Variants in HDAC9 observed in about 807,000 individuals in gnomAD.
The protein encoded by HDAC9 is MEF-2 interacting transcription repressor (MITR) protein.
HDAC9 carries 41 observed loss-of-function variants against 139.4 expected under a neutral mutation model. The observed-to-expected ratio is 0.29, with a 90% CI of 0.23 to 0.38. The LOEUF (loss-of-function observed/expected upper bound fraction) is 0.38. Ranked by LOEUF, HDAC9 falls within the 10% of genes least tolerant of loss-of-function variation. The probability of loss-of-function intolerance (pLI) is 1.00; values close to 1 mark genes in which losing one functional copy is unlikely to be tolerated. For synonymous variants in HDAC9, 517 were observed against 476.2 expected, an observed-to-expected ratio of 1.09 and a Z score of -1.12; for missense variants, 1,147 against 1,297.0, an observed-to-expected ratio of 0.88 and a Z score of 1.78.
At chr7:18,741,102 G>A (rs1787406105) in intron 13 of HDAC9, among the ~76,000 whole-genome samples, 1 of 152,206 alleles carries the variant, frequency 6.6e-6, no homozygotes, top group Admixed American at 6.5e-5. Flanking sequence ...AAGTGTTGAT[G>A]TAGAAGCTAC....
intron 12 of HDAC9, chr7:18,667,423 C>G: frequency 1.3e-5 from 13 of 983,786 alleles, no homozygotes; most frequent in Non-Finnish European, 1.6e-5. Flanking sequence ...TCCATAATGA[C>G]ATGGGCATAT....
In HDAC9 at chr7:18,724,218, G is replaced by T. The variant is rs1785355954; in HGVS notation, c.1732-3362G>T. 2.0e-5 allele frequency among the ~76,000 whole-genome samples: 3 copies of T among 151,966 alleles called. No individual in the cohort carries two copies. In the South Asian group the frequency reaches 6.2e-4, roughly 32 times the overall value. On this transcript the variant is annotated intron_variant, in intron 12 of 25. Transcript: ENST00000686413. ...TATCATCCCGAATTTTTCCTGTATA[G>T]CACTCACTGTATTTATAATTACATT...
At chr7:18,422,760 A>G (rs939491815) in intron 1 of HDAC9, among the ~76,000 whole-genome samples, 9 of 151,944 alleles carry the variant, frequency 5.9e-5, no homozygotes, top group Admixed American at 5.2e-4. Context: ...ACACACACAC[A>G]CACACACACA....
chr7:18,906,284 A>G (rs1802254808), intron 22 of HDAC9, among the ~76,000 whole-genome samples: 1 of 151,996 alleles, frequency 6.6e-6, no homozygotes, highest in Admixed American at 6.6e-5. Flanking sequence ...AGCTGGGATT[A>G]CAGGCACTTG....
At chr7:18,655,170 T>G (rs1208213818) in intron 11 of HDAC9, among the ~76,000 whole-genome samples, 1 of 152,172 alleles carries the variant, frequency 6.6e-6, no homozygotes, top group Non-Finnish European at 1.5e-5. Context: ...GAACTGGGCT[T>G]TCATTTAGGA....
intron 2 of HDAC9, among the ~76,000 whole-genome samples, chr7:18,285,146 A>C (rs368531045): frequency 1.2e-4 from 18 of 152,266 alleles, no homozygotes; most frequent in East Asian, 5.8e-4. Context: ...ACTGTGGGAT[A>C]AAATTTGGGG....
At chr7:18,948,675 A>C (rs991639278) in intron 23 of HDAC9, among the ~76,000 whole-genome samples, 1 of 152,114 alleles carries the variant, frequency 6.6e-6, no homozygotes, top group Non-Finnish European at 1.5e-5. Flanking sequence ...ATATCCTATC[A>C]TAACATTCCA....
rs923097131 is a variant in HDAC9 at position 18,204,366 on chromosome 7, G to T, written c.25+42017G>T. Among the ~76,000 whole-genome samples the T allele has an allele frequency of 2.9e-5, 4 of 136,762 alleles. No homozygotes were observed. In the South Asian group the frequency reaches 6.8e-4, roughly 23 times the overall value. The allele number at this position is 136,762 out of a possible 152,430, so 89.7% of individuals were successfully genotyped here. A position where few individuals can be genotyped will look rare whatever the true frequency, so the allele number is the denominator to read the frequency against. On this transcript the variant is annotated intron_variant, in intron 2 of 12. Coordinates refer to the HDAC9 transcript ENST00000417496. ...TTTTTTTTTTGGAATTATTTACTCA[G>T]TTTAAAATTTCTGGCCTGATGTTAT...
At chr7:18,568,181 A>G (rs901214904) in intron 2 of HDAC9, among the ~76,000 whole-genome samples, 2 of 151,920 alleles carry the variant, frequency 1.3e-5, no homozygotes, top group African/African-American at 4.8e-5. Context: ...ATTGAAGGGT[A>G]TACAATCTCT....
At chr7:18,648,396 TTGTGTGTGTGTGTATGTGTG>T (rs911969058) in intron 10 of HDAC9, 50 bp from the exon 11 acceptor site, 3 of 1,206,792 alleles carry the variant, frequency 2.5e-6, no homozygotes, top group South Asian at 1.3e-5. Flanking sequence ...TTTCTTAAAA[TTGTGTGTGTGTGTATGTGTG>T]TGTGTGTGTG....
chr7:18,239,145 T>C (rs1375011990), intron 2 of HDAC9, among the ~76,000 whole-genome samples: 14 of 151,938 alleles, frequency 9.2e-5, no homozygotes, highest in Admixed American at 9.2e-4. Context: ...TTTTTCCCCC[T>C]AAAAGACAAT....
intron 12 of HDAC9, among the ~76,000 whole-genome samples, chr7:18,691,562 A>T (rs1168926179): frequency 6.6e-6 from 1 of 151,984 alleles, no homozygotes; most frequent in Non-Finnish European, 1.5e-5. Context: ...GGTAAAGGGG[A>T]AGAAAACACA....
intron 1 of HDAC9, 43 bp downstream of exon 1, chr7:18,496,066 A>T: frequency 1.4e-6 from 2 of 1,431,294 alleles, no homozygotes; most frequent in South Asian, 1.5e-5. Flanking sequence ...TTAAAAGTGG[A>T]TGCCCATTTG....
At chr7:18,976,549 A>G (rs938141446) in intron 25 of HDAC9, among the ~76,000 whole-genome samples, 1 of 152,200 alleles carries the variant, frequency 6.6e-6, no homozygotes, top group African/African-American at 2.4e-5. Flanking sequence ...ATAGGACAGA[A>G]TTGGTTTTAA....
intron 6 of HDAC9, among the ~76,000 whole-genome samples, chr7:18,621,348 G>A (rs532392495): frequency 1.3e-5 from 2 of 151,748 alleles, no homozygotes; most frequent in Admixed American, 6.6e-5. Flanking sequence ...TCTCAAATAT[G>A]TATGACTTAC....
At chr7:18,957,375 A>G (rs1322215285) in intron 24 of HDAC9, among the ~76,000 whole-genome samples, 2 of 152,148 alleles carry the variant, frequency 1.3e-5, no homozygotes. Flanking sequence ...TGGCTTGGGA[A>G]ATTAAAATTA....
chr7:18,201,842 A>G (rs537408751), intron 2 of HDAC9, among the ~76,000 whole-genome samples: 2 of 152,344 alleles, frequency 1.3e-5, no homozygotes, highest in South Asian at 4.1e-4. Flanking sequence ...GAAAAAGCAA[A>G]GGTAGCAAAA....
At chr7:18,333,831 G>C (rs1174837875) in intron 1 of HDAC9, among the ~76,000 whole-genome samples, 1 of 151,098 alleles carries the variant, frequency 6.6e-6, no homozygotes, top group Non-Finnish European at 1.5e-5. Context: ...TGCAAGAGCT[G>C]GTTCTTAAAA....
chr7:18,474,146 T>C (rs1445876185), intron 1 of HDAC9, among the ~76,000 whole-genome samples: 1 of 152,250 alleles, frequency 6.6e-6, no homozygotes, highest in Admixed American at 6.5e-5. Context: ...CTTTTCTATG[T>C]GCATACATAT....
Sources: gnomAD v4.1 joint callset for allele counts (sites outside exome capture counted in the v4.1 genomes callset) on GRCh38, gnomAD v4.1.1 for gene constraint, MANE v1.5 for transcripts, NCBI Gene and HGNC (gene_info 2026-07-23, HGNC 2026-07-21) for gene names.